EPHA3: variants seen among roughly 807,000 people sequenced by gnomAD.
The protein encoded by EPHA3 is EPH receptor A3.
Under a neutral mutation model 107.1 loss-of-function variants are expected in EPHA3, and 42 were observed. The ratio of observed to expected loss-of-function variants is 0.39; its 90% CI spans 0.31 to 0.51. The LOEUF is 0.51. Ranked by LOEUF, EPHA3 falls within the 20% of genes least tolerant of loss-of-function variation. The pLI is 0.78. For missense variants in EPHA3, 1,183 were observed against 1,211.2 expected (o/e 0.98, Z 0.35); for synonymous variants, 461 against 424.8 (o/e 1.09, Z -1.05).
intron 2 of EPHA3, among the ~76,000 whole-genome samples, chr3:89,192,291 A>G (rs1009123576): frequency 3.3e-5 from 5 of 152,124 alleles, no homozygotes; most frequent in African/African-American, 1.2e-4. Context: ...CTTACATTCA[A>G]CACCTACAAT....
chr3:89,121,184 G>A (rs1469463498), intron 1 of EPHA3, among the ~76,000 whole-genome samples: 5 of 152,066 alleles, frequency 3.3e-5, no homozygotes, highest in African/African-American at 1.2e-4. Flanking sequence ...GGCAGTGGGA[G>A]GAGATCGTGC....
chr3:89,326,884 A>C lies in EPHA3; in HGVS notation c.815-14032A>C, dbSNP rs1369470334. On this transcript the variant is annotated intron_variant, in intron 3 of 16. Coordinates refer to ENST00000336596, the MANE Select transcript of EPHA3 (RefSeq NM_005233.6). ...CTTCTTGATGGATTCATAGCATGAG[A>C]CTGATTATTTAAAGGGAAATTAGAC... Among the ~76,000 whole-genome samples the C allele has an allele frequency of 2.6e-5, 4 of 152,040 alleles. No homozygotes were observed. In the East Asian group the frequency reaches 5.8e-4, roughly 22 times the overall value.
rs533419893 is a variant in EPHA3 at position 89,364,330 on chromosome 3, G to T, written c.1306+22240G>T. ...CATTCAGAGGCCTTTCAGAACACCAGTATTTACCTACTCCAAGCCAATCCT... is the reference window on the plus strand; with the variant it reads ...CATTCAGAGGCCTTTCAGAACACCATTATTTACCTACTCCAAGCCAATCCT... On this transcript the variant is annotated intron_variant, in intron 5 of 16. Transcript: ENST00000336596. 2.0e-5 allele frequency among the ~76,000 whole-genome samples: 3 copies of T among 150,954 alleles called. No individual in the cohort carries two copies. The South Asian group carries it at 6.3e-4, about 31-fold the overall frequency.
chr3:89,228,794 G>A (rs773512857), intron 3 of EPHA3, among the ~76,000 whole-genome samples: 1 of 151,812 alleles, frequency 6.6e-6, no homozygotes, highest in Non-Finnish European at 1.5e-5. Flanking sequence ...AACCAGGAAC[G>A]TAAACATTTT....
intron 1 of EPHA3, among the ~76,000 whole-genome samples, chr3:89,124,638 T>C (rs1704052308): frequency 1.3e-5 from 2 of 152,052 alleles, no homozygotes; most frequent in Admixed American, 6.5e-5. Context: ...ATAATATTAA[T>C]GTATTAAATT....
intron 5 of EPHA3, among the ~76,000 whole-genome samples, chr3:89,350,767 G>A (rs1250426348): frequency 6.6e-6 from 1 of 150,848 alleles, no homozygotes; most frequent in African/African-American, 2.4e-5. Context: ...TTTGGTCTTT[G>A]ATGATGGTGA....
At chr3:89,137,922 C>A (rs1237286362) in intron 2 of EPHA3, among the ~76,000 whole-genome samples, 2 of 151,664 alleles carry the variant, frequency 1.3e-5, no homozygotes, top group African/African-American at 4.8e-5. Flanking sequence ...AATTCTGGGC[C>A]CCAATCATGA....
intron 1 of EPHA3, among the ~76,000 whole-genome samples, chr3:89,108,247 A>G (rs1707019516): frequency 6.6e-6 from 1 of 152,248 alleles, no homozygotes; most frequent in East Asian, 1.9e-4. Flanking sequence ...ACTCTTTAGT[A>G]TGTTTAAAGG....
chr3:89,411,620 C>T lies in EPHA3; in HGVS notation c.1763-1521C>T, dbSNP rs114092360. ...TTTTTACTCAAAATCTCTATGAAAG[C>T]TTCACAAGAACATAAATCGTAATGC... On this transcript the variant is annotated intron_variant, in intron 9 of 16. Transcript: ENST00000336596. Among the ~76,000 whole-genome samples the T allele has an allele frequency of 9.4e-3, 1,429 of 151,988 alleles. 24 individuals carry two copies. Among genetic ancestry groups the T allele is most frequent in the African/African-American group, 0.033 (1,365 of 41,508 alleles).
intron 13 of EPHA3, among the ~76,000 whole-genome samples, chr3:89,443,632 C>A (rs1709824361): frequency 6.6e-6 from 1 of 152,090 alleles, no homozygotes; most frequent in African/African-American, 2.4e-5. Context: ...CAAAATAAAT[C>A]ATTATTCTCA....
chr3:89,124,436 C>T (rs1463970149), intron 1 of EPHA3, among the ~76,000 whole-genome samples: 1 of 152,038 alleles, frequency 6.6e-6, no homozygotes, highest in African/African-American at 2.4e-5. Flanking sequence ...TAACAATTCA[C>T]TTTAAAGTAT....
intron 3 of EPHA3, among the ~76,000 whole-genome samples, chr3:89,213,784 C>T (rs1704163252): frequency 6.6e-6 from 1 of 151,872 alleles, no homozygotes. Context: ...TGATCTAGTG[C>T]TTAAAGCATT....
chr3:89,228,341 G>A (rs771904015), intron 3 of EPHA3, among the ~76,000 whole-genome samples: 1 of 151,844 alleles, frequency 6.6e-6, no homozygotes, highest in Non-Finnish European at 1.5e-5. Flanking sequence ...AAATAACAAT[G>A]AGAAAGCCTG....
chr3:89,129,509 T>C (rs1704157651), intron 2 of EPHA3, among the ~76,000 whole-genome samples: 1 of 151,740 alleles, frequency 6.6e-6, no homozygotes, highest in South Asian at 2.1e-4. Context: ...TGTGGTGATA[T>C]ATAGTGTATA....
chr3:89,200,254 C>A lies in EPHA3; in HGVS notation c.154-9606C>A, dbSNP rs117771045. 5.3e-5 allele frequency among the ~76,000 whole-genome samples: 8 copies of A among 152,236 alleles called. No individual in the cohort carries two copies. The East Asian group carries it at 1.5e-3, about 29-fold the overall frequency. On this transcript the variant is annotated intron_variant, in intron 2 of 16. Coordinates refer to ENST00000336596, the MANE Select transcript of EPHA3 (RefSeq NM_005233.6). ...TTAAAGATATCAATTTATTTATATA[C>A]ACGTACCTTGTCTCTTTTTGTTGAT... is the stretch of plus-strand genomic sequence containing the variant.
intron 3 of EPHA3, among the ~76,000 whole-genome samples, chr3:89,211,030 G>A (rs1182714123): frequency 1.3e-5 from 2 of 152,016 alleles, no homozygotes; most frequent in Non-Finnish European, 2.9e-5. Context: ...CAAGAGATTA[G>A]TGCTTTTAGA....
chr3:89,289,892 C>A (rs1706172769), intron 3 of EPHA3, among the ~76,000 whole-genome samples: 1 of 152,048 alleles, frequency 6.6e-6, no homozygotes, highest in Admixed American at 6.6e-5. Context: ...TAGTCAGAGG[C>A]CTTTCTGTTG....
intron 5 of EPHA3, among the ~76,000 whole-genome samples, chr3:89,391,724 C>T (rs959188085): frequency 6.6e-5 from 10 of 151,964 alleles, no homozygotes; most frequent in Admixed American, 4.6e-4. Flanking sequence ...TGAGCCACCG[C>T]GCCCGGCCTA....
At chr3:89,403,038 G>A (rs1273532620) in intron 7 of EPHA3, among the ~76,000 whole-genome samples, 2 of 152,086 alleles carry the variant, frequency 1.3e-5, no homozygotes, top group Non-Finnish European at 2.9e-5. Context: ...ATATTTCTTG[G>A]TAGAACACAA....
Sources: allele counts gnomAD v4.1 joint callset (sites outside exome capture counted in the v4.1 genomes callset), GRCh38; gene constraint gnomAD v4.1.1; transcripts MANE v1.5; gene names NCBI Gene and HGNC (gene_info 2026-07-23, HGNC 2026-07-21).